The following NTRK3 variants were observed in gnomAD, a reference collection of about 807,000 sequenced individuals.
The protein encoded by NTRK3 is neurotrophic receptor tyrosine kinase 3.
In NTRK3, 24 loss-of-function variants were observed where a neutral mutation model predicts 91.7. The observed-to-expected ratio is 0.26, with a 90% CI of 0.19 to 0.37. NTRK3 has a LOEUF of 0.37. NTRK3 is among the 10% of genes least tolerant of loss of function. The pLI, the probability that NTRK3 is intolerant of heterozygous loss-of-function variation, is 1.00. For synonymous variants in NTRK3, 483 were observed against 404.0 expected (o/e 1.20, Z -2.34); for missense variants, 880 against 1,068.9 (o/e 0.82, Z 2.46).
At chr15:88,225,777 C>T (rs1271207922) in intron 3 of NTRK3, among the ~76,000 whole-genome samples, 5 of 152,160 alleles carry the variant, frequency 3.3e-5, no homozygotes, top group Admixed American at 1.3e-4. Flanking sequence ...CCGACAGCCC[C>T]GTACACCACA....
intron 17 of NTRK3, among the ~76,000 whole-genome samples, chr15:87,884,394 T>C (rs571810481): frequency 5.9e-5 from 9 of 151,908 alleles, no homozygotes; most frequent in Middle Eastern, 3.4e-3. Context: ...TGAGTTCTAT[T>C]AAAGTTTTCT....
At chr15:88,157,423 C>T (rs1480474960) in intron 5 of NTRK3, among the ~76,000 whole-genome samples, 3 of 152,078 alleles carry the variant, frequency 2.0e-5, no homozygotes, top group African/African-American at 7.2e-5. Context: ...TCAGGATCCC[C>T]GTCCCTTCTG....
rs376573541 is a variant in NTRK3 at position 87,929,613 on chromosome 15, G to A, written c.1890-179C>T. On this transcript the variant is annotated intron_variant, in intron 16 of 18. Transcript: ENST00000394480. ...TTAGATTATGTACGTGTGGGTAAGG[G>A]TGAAACTCCACAACCAGATTCTGGC... is the stretch of plus-strand genomic sequence containing the variant. Among the ~76,000 whole-genome samples, 128 of 152,282 alleles carry A rather than the reference G, an allele frequency of 8.4e-4. 1 individual carries two copies. The highest frequency in any genetic ancestry group is 7.5e-3 in the South Asian group (36 of 4,816).
chr15:88,019,548 A>G (rs990238401), intron 14 of NTRK3, among the ~76,000 whole-genome samples: 1 of 152,178 alleles, frequency 6.6e-6, no homozygotes, highest in African/African-American at 2.4e-5. Flanking sequence ...TAAACATATG[A>G]CATAATTCTG....
At chr15:88,057,668 T>C (rs2045844670) in intron 13 of NTRK3, among the ~76,000 whole-genome samples, 1 of 152,206 alleles carries the variant, frequency 6.6e-6, no homozygotes, top group Non-Finnish European at 1.5e-5. Context: ...CAGGGAAATA[T>C]GATCAGTGCC....
intron 3 of NTRK3, among the ~76,000 whole-genome samples, chr15:88,216,560 G>A (rs905239358): frequency 6.6e-6 from 1 of 152,188 alleles, no homozygotes; most frequent in African/African-American, 2.4e-5. Context: ...TTTTGGCAAA[G>A]GGCACACAGG....
chr15:88,196,365 C>CA (rs1255944625), intron 3 of NTRK3, among the ~76,000 whole-genome samples: 1 of 150,936 alleles, frequency 6.6e-6, no homozygotes, highest in African/African-American at 2.4e-5. Flanking sequence ...GCGACCGAGG[C>CA]ACAGTGAAGA....
chr15:88,137,301 T>C, intron 7 of NTRK3, 103 bp downstream of exon 7: 4 of 1,399,570 alleles, frequency 2.9e-6, no homozygotes, highest in Non-Finnish European at 4.0e-6. Flanking sequence ...GGAGGGCGTT[T>C]CGAAAGGAAG....
intron 5 of NTRK3, among the ~76,000 whole-genome samples, chr15:88,149,788 G>C (rs1461948790): frequency 6.6e-6 from 1 of 152,228 alleles, no homozygotes; most frequent in East Asian, 1.9e-4. Flanking sequence ...TTGGGGTTCA[G>C]GACAACAGGA....
intron 3 of NTRK3, among the ~76,000 whole-genome samples, chr15:88,245,493 C>A (rs1478119146): frequency 6.6e-6 from 1 of 152,178 alleles, no homozygotes; most frequent in East Asian, 1.9e-4. Flanking sequence ...ACCTCTCAGA[C>A]AAAGGGACCA....
chr15:88,173,045 C>T (rs1009704430), intron 5 of NTRK3, among the ~76,000 whole-genome samples: 19 of 152,182 alleles, frequency 1.2e-4, no homozygotes, highest in African/African-American at 4.3e-4. Flanking sequence ...GTGAATTCTG[C>T]GGTGCAAAAC....
At chr15:88,188,244 G>A (rs976675967) in intron 3 of NTRK3, among the ~76,000 whole-genome samples, 1 of 152,186 alleles carries the variant, frequency 6.6e-6, no homozygotes, top group Non-Finnish European at 1.5e-5. Flanking sequence ...AGGGCAAAGG[G>A]GTGGCACATC....
intron 17 of NTRK3, among the ~76,000 whole-genome samples, chr15:87,896,313 A>G: frequency 6.6e-6 from 1 of 152,106 alleles, no homozygotes; most frequent in East Asian, 1.9e-4. Context: ...TCTACTAAAA[A>G]TACAAAAATT....
intron 3 of NTRK3, among the ~76,000 whole-genome samples, chr15:88,197,123 A>C (rs1053836238): frequency 6.9e-6 from 1 of 145,854 alleles, no homozygotes; most frequent in African/African-American, 2.7e-5. Flanking sequence ...AAAAAAAAAA[A>C]AAAACCTCTG....
chr15:87,880,436 G>T lies in NTRK3; in HGVS notation c.2134-8C>A, dbSNP rs2065176604. 2 of 1,613,768 alleles carry T rather than the reference G, an allele frequency of 1.2e-6. No homozygotes were observed. Among genetic ancestry groups the T allele is most frequent in the African/African-American group, 1.3e-5 (1 of 74,864 alleles). On this transcript the variant is annotated splice_region_variant and splice_polypyrimidine_tract_variant and intron_variant, in intron 17 of 18. Transcript: ENST00000394480. Reference sequence around the variant, plus strand: ...CATGGTGTGTCCTCCCACCTAAAAGGGGTTGAGATAGAGGCACACAGAGTG... The same window carrying T: ...CATGGTGTGTCCTCCCACCTAAAAGTGGTTGAGATAGAGGCACACAGAGTG...
intron 13 of NTRK3, among the ~76,000 whole-genome samples, chr15:88,122,430 T>C (rs903093960): frequency 6.6e-5 from 10 of 151,936 alleles, no homozygotes; most frequent in Non-Finnish European, 1.0e-4. Flanking sequence ...CTTCAGTCAG[T>C]GAACTGGAGG....
At chr15:88,127,091 T>A in intron 12 of NTRK3, 71 bp downstream of exon 12, 1 of 1,323,260 alleles carries the variant, frequency 7.6e-7, no homozygotes, top group South Asian at 1.2e-5. Context: ...TTGGAAAAGT[T>A]AGCAACACAA....
chr15:88,011,087 T>C, intron 14 of NTRK3, among the ~76,000 whole-genome samples: 1 of 152,122 alleles, frequency 6.6e-6, no homozygotes, highest in Non-Finnish European at 1.5e-5. Flanking sequence ...TTATCCAGTA[T>C]TATCTTCAAA....
chr15:88,199,323 T>C (rs929488939), intron 3 of NTRK3, among the ~76,000 whole-genome samples: 1 of 152,204 alleles, frequency 6.6e-6, no homozygotes, highest in Admixed American at 6.5e-5. Flanking sequence ...TGTCGTCCGG[T>C]ACTCTTTGAC....
Sources: allele counts gnomAD v4.1 joint callset (sites outside exome capture counted in the v4.1 genomes callset), GRCh38; gene constraint gnomAD v4.1.1; transcripts MANE v1.5; gene names NCBI Gene and HGNC (gene_info 2026-07-23, HGNC 2026-07-21).